The following SGCD variants were observed in gnomAD, a reference collection of about 807,000 sequenced individuals.
SGCD encodes the protein sarcoglycan delta.
In SGCD, 18 loss-of-function variants were observed where a neutral mutation model predicts 36.6. The ratio of observed to expected loss-of-function variants is 0.49; its 90% CI spans 0.34 to 0.73. The LOEUF (loss-of-function observed/expected upper bound fraction) is 0.73, where lower values mean the gene tolerates loss of function less well. SGCD is among the 30% of genes least tolerant of loss of function. The probability of loss-of-function intolerance (pLI) is 0.01; values close to 1 mark genes in which losing one functional copy is unlikely to be tolerated. For missense variants in SGCD, 387 were observed against 346.7 expected (o/e 1.12, Z -0.92); for synonymous variants, 133 against 130.6 (o/e 1.02, Z -0.12).
intron 7 of SGCD, among the ~76,000 whole-genome samples, chr5:156,675,853 A>C (rs2113669804): frequency 6.6e-6 from 1 of 152,300 alleles, no homozygotes; most frequent in South Asian, 2.1e-4. Context: ...AGTGACCAAA[A>C]TACTTTACTT....
intron 2 of SGCD, among the ~76,000 whole-genome samples, chr5:156,119,051 C>G (rs1157891868): frequency 1.3e-5 from 2 of 152,126 alleles, no homozygotes; most frequent in Admixed American, 6.5e-5. Context: ...TGACTTGGTG[C>G]TGGGTATACA....
chr5:156,272,854 G>A (rs376502983), intron 3 of SGCD, among the ~76,000 whole-genome samples: 71 of 152,056 alleles, frequency 4.7e-4, no homozygotes, highest in African/African-American at 1.6e-3. Flanking sequence ...AAAACACATC[G>A]CCACACTCAT....
intron 3 of SGCD, among the ~76,000 whole-genome samples, chr5:156,474,682 A>G (rs1479350348): frequency 1.3e-5 from 2 of 152,300 alleles, no homozygotes; most frequent in Admixed American, 6.5e-5. Context: ...TGCCTGCTCT[A>G]ATTTGGAATT....
intron 7 of SGCD, among the ~76,000 whole-genome samples, chr5:156,747,766 G>A (rs1034717345): frequency 1.3e-5 from 2 of 152,054 alleles, no homozygotes; most frequent in Non-Finnish European, 2.9e-5. Context: ...CACGTTGAGG[G>A]GAGAGAATAA....
intron 1 of SGCD, among the ~76,000 whole-genome samples, chr5:155,955,859 C>A (rs930597337): frequency 6.6e-6 from 1 of 151,940 alleles, no homozygotes; most frequent in Admixed American, 6.6e-5. Flanking sequence ...ACTGAGGGCA[C>A]GAGAAAAGAA....
At chr5:156,198,390 A>G (rs1360764341) in intron 3 of SGCD, among the ~76,000 whole-genome samples, 3 of 152,154 alleles carry the variant, frequency 2.0e-5, no homozygotes, top group Non-Finnish European at 4.4e-5. Flanking sequence ...ACTTGGATTG[A>G]GAGACACCAT....
the SGCD span, among the ~76,000 whole-genome samples, chr5:155,753,309 C>A: frequency 7.1e-6 from 1 of 141,584 alleles, no homozygotes; most frequent in Non-Finnish European, 1.5e-5. Flanking sequence ...TGCACTCCAG[C>A]CTGGTGACAG....
chr5:155,735,025 C>A, the SGCD span, among the ~76,000 whole-genome samples: 2 of 152,226 alleles, frequency 1.3e-5, no homozygotes, highest in African/African-American at 4.8e-5. Context: ...GTTGGATCTA[C>A]AGCACCCAGG....
chr5:156,245,350 A>C (rs1765414987), intron 3 of SGCD, among the ~76,000 whole-genome samples: 1 of 152,194 alleles, frequency 6.6e-6, no homozygotes, highest in Non-Finnish European at 1.5e-5. Flanking sequence ...TGATAGGAAA[A>C]TGCCAGCTAA....
In SGCD at chr5:156,161,344, C is replaced by T. The variant is rs761161233; in HGVS notation, c.-44+37325C>T. On this transcript the variant is annotated intron_variant, in intron 3 of 9. Coordinates refer to the SGCD transcript ENST00000517913. ...TCACTTTTATATCACAGAGAAAATT[C>T]TCATTGACAGGTTAGTTCCTCAAAT... Among the ~76,000 whole-genome samples, 15 of 151,766 alleles carry T rather than the reference C, an allele frequency of 9.9e-5. 1 individual carries two copies. Among genetic ancestry groups the T allele is most frequent in the Non-Finnish European group, 1.5e-4 (10 of 68,036 alleles).
chr5:155,775,867 A>G, the SGCD span, among the ~76,000 whole-genome samples: 1 of 152,136 alleles, frequency 6.6e-6, no homozygotes, highest in African/African-American at 2.4e-5. Context: ...TCTGCTCCAA[A>G]GGAGAAGTAG....
chr5:156,535,406 G>A (rs1236479278), intron 4 of SGCD, among the ~76,000 whole-genome samples: 2 of 152,132 alleles, frequency 1.3e-5, no homozygotes, highest in Non-Finnish European at 2.9e-5. Flanking sequence ...TGACATGTTA[G>A]CAACGTTTAA....
chr5:156,347,543 T>G (rs1394607), intron 3 of SGCD, among the ~76,000 whole-genome samples: 61,635 of 151,820 alleles, frequency 0.41, 13,383 homozygotes, highest in East Asian at 0.79. Flanking sequence ...GGGTGGTGGG[T>G]CCTAAAAAGC....
chr5:156,623,700 G>A (rs1178987772), intron 6 of SGCD, among the ~76,000 whole-genome samples: 1 of 152,180 alleles, frequency 6.6e-6, no homozygotes, highest in Non-Finnish European at 1.5e-5. Flanking sequence ...ACTAAACAAA[G>A]GAAAGAGCCG....
chr5:156,486,094 C>T (rs1223104244), intron 3 of SGCD, among the ~76,000 whole-genome samples: 1 of 152,026 alleles, frequency 6.6e-6, no homozygotes, highest in Non-Finnish European at 1.5e-5. Context: ...ATTTTGAGAT[C>T]CCAGCTCTCA....
intron 1 of SGCD, among the ~76,000 whole-genome samples, chr5:156,081,299 G>T (rs534468992): frequency 6.6e-6 from 1 of 152,234 alleles, no homozygotes; most frequent in Admixed American, 6.5e-5. Context: ...TGAGGGATCT[G>T]CCCTCATGAT....
chr5:156,573,023 T>C (rs574357390), intron 4 of SGCD, among the ~76,000 whole-genome samples: 43 of 152,294 alleles, frequency 2.8e-4, no homozygotes, highest in Non-Finnish European at 5.3e-4. Context: ...TTTCAATGCT[T>C]CTTCAATAAT....
the SGCD span, among the ~76,000 whole-genome samples, chr5:155,811,097 G>A: frequency 6.6e-6 from 1 of 152,010 alleles, no homozygotes; most frequent in African/African-American, 2.4e-5. Flanking sequence ...GATTACAGGC[G>A]TGAGCCACCG....
At chr5:156,686,198 G>A (rs776203193) in intron 7 of SGCD, among the ~76,000 whole-genome samples, 3 of 152,122 alleles carry the variant, frequency 2.0e-5, no homozygotes, top group Admixed American at 6.5e-5. Context: ...ATGAGGAAAC[G>A]AAGGCCTAGA....
Sources: allele counts gnomAD v4.1 joint callset (sites outside exome capture counted in the v4.1 genomes callset), GRCh38; gene constraint gnomAD v4.1.1; transcripts MANE v1.5; gene names NCBI Gene and HGNC (gene_info 2026-07-23, HGNC 2026-07-21).